GRM1: variants seen among roughly 807,000 people sequenced by gnomAD.
The protein encoded by GRM1 is metabotropic glutamate receptor 1.
GRM1 carries 33 observed loss-of-function variants against 90.9 expected under a neutral mutation model. The ratio of observed to expected loss-of-function variants is 0.36; its 90% CI spans 0.28 to 0.49. The LOEUF is 0.49. Among genes scored for constraint, GRM1 ranks in the 20% least tolerant of loss-of-function variants. The pLI is 0.99. For missense variants in GRM1, 1,190 were observed against 1,534.3 expected (o/e 0.78, Z 3.75); for synonymous variants, 700 against 613.2 (o/e 1.14, Z -2.09).
At chr6:146,355,972 A>G (rs936336200) in intron 4 of GRM1, among the ~76,000 whole-genome samples, 1 of 152,230 alleles carries the variant, frequency 6.6e-6, no homozygotes, top group Admixed American at 6.5e-5. Context: ...GGTACTGCAG[A>G]ATAGAATCCC....
At chr6:146,180,780 C>T (rs1778522744) in intron 2 of GRM1, among the ~76,000 whole-genome samples, 1 of 152,136 alleles carries the variant, frequency 6.6e-6, no homozygotes, top group Admixed American at 6.5e-5. Flanking sequence ...CCTGGTTTTA[C>T]TTTTAACACA....
chr6:146,315,410 A>G (rs992237699), intron 3 of GRM1, among the ~76,000 whole-genome samples: 2 of 152,130 alleles, frequency 1.3e-5, no homozygotes, highest in African/African-American at 4.8e-5. Flanking sequence ...TAAAAAAGAA[A>G]TGCCAGTGAA....
chr6:146,419,438 G>A (rs549011342), intron 7 of GRM1, among the ~76,000 whole-genome samples: 6 of 152,290 alleles, frequency 3.9e-5, no homozygotes, highest in Admixed American at 3.9e-4. Flanking sequence ...GAAGAGAAAT[G>A]AAAACTGAGA....
At chr6:146,295,898 C>A (rs1783160362) in intron 2 of GRM1, among the ~76,000 whole-genome samples, 1 of 152,122 alleles carries the variant, frequency 6.6e-6, no homozygotes, top group Non-Finnish European at 1.5e-5. Context: ...CTCAAGGGGG[C>A]CCCAGAGTCT....
chr6:146,066,107 T>A (rs1277383445), intron 1 of GRM1, among the ~76,000 whole-genome samples: 2 of 152,204 alleles, frequency 1.3e-5, no homozygotes, highest in African/African-American at 2.4e-5. Context: ...ATGTGCAGAT[T>A]TCTTACAAAG....
chr6:146,270,999 T>C (rs150198560), intron 2 of GRM1, among the ~76,000 whole-genome samples: 2 of 100,712 alleles, frequency 2.0e-5, no homozygotes, highest in Admixed American at 8.9e-5. Flanking sequence ...TCTTTCCTTC[T>C]TTCTTTCTTT....
intron 2 of GRM1, among the ~76,000 whole-genome samples, chr6:146,222,963 C>T (rs550220951): frequency 6.6e-6 from 1 of 151,734 alleles, no homozygotes; most frequent in African/African-American, 2.4e-5. Flanking sequence ...ATCTTTGAAT[C>T]TAGTACAATA....
intron 2 of GRM1, among the ~76,000 whole-genome samples, chr6:146,251,285 A>G (rs1194744002): frequency 6.6e-6 from 1 of 152,090 alleles, no homozygotes; most frequent in African/African-American, 2.4e-5. Context: ...CTCCCACTCT[A>G]ATTTAATTGG....
chr6:146,399,379 C>G lies in GRM1; in HGVS notation c.2340C>G (p.Asn780Lys). Residue 780 changes from asparagine (N) to lysine (K), a missense_variant, in exon 7 of 8, where the codon AAC becomes AAG. Transcript: ENST00000282753. This position sits in a 1 kb window ranked among gnomAD's most constrained non-coding sequence, Gnocchi z 5.4. The part of the protein sequence containing the change: ...YAFKTRNVPA[N>K]FNEAKYIAFT... The stretch of plus-strand genomic sequence containing the variant: ...TCAAGACCCGCAACGTGCCCGCCAA[C>G]TTCAACGAGGCCAAATATATCGCGT... 6.2e-7 allele frequency: 1 copy of G among 1,614,214 alleles called. No homozygotes were observed.
intron 1 of GRM1, among the ~76,000 whole-genome samples, chr6:146,062,080 G>A (rs910051623): frequency 1.3e-5 from 2 of 151,930 alleles, no homozygotes; most frequent in African/African-American, 4.8e-5. Flanking sequence ...CAAGAGCAGA[G>A]TTGGAACCAA....
At chr6:146,314,049 T>C (rs538463729) in intron 3 of GRM1, among the ~76,000 whole-genome samples, 209 of 130,980 alleles carry the variant, frequency 1.6e-3, no homozygotes, top group African/African-American at 5.4e-3. Flanking sequence ...AATAGTTAAT[T>C]CCTTTTTTTT....
intron 1 of GRM1, among the ~76,000 whole-genome samples, chr6:146,040,288 A>T (rs1385222706): frequency 6.6e-6 from 1 of 152,008 alleles, no homozygotes; most frequent in Non-Finnish European, 1.5e-5. Context: ...GTAGCGATAC[A>T]TGAGACTGTG....
intron 1 of GRM1, among the ~76,000 whole-genome samples, chr6:146,042,539 C>G (rs942723965): frequency 6.6e-6 from 1 of 151,826 alleles, no homozygotes; most frequent in East Asian, 1.9e-4. Flanking sequence ...CTTTTCTCTG[C>G]GTGGTGATGT....
intron 2 of GRM1, among the ~76,000 whole-genome samples, chr6:146,221,642 G>A (rs146835553): frequency 2.1e-3 from 314 of 152,216 alleles, no homozygotes; most frequent in African/African-American, 7.1e-3. Flanking sequence ...TGTGAGTAGC[G>A]CTGCAATAAA....
chr6:146,385,709 T>G (rs1314141543), intron 5 of GRM1, among the ~76,000 whole-genome samples: 3 of 152,034 alleles, frequency 2.0e-5, no homozygotes, highest in Non-Finnish European at 4.4e-5. Context: ...GATAATTGAC[T>G]GTTTAAAGCA....
rs1217113028 is a variant in GRM1, at chr6:146,029,985, T to G, written c.468T>G (p.Ile156Met). 1 of 1,614,162 alleles carries G rather than the reference T, an allele frequency of 6.2e-7. No individual in the cohort carries two copies. ...CCCCAGGCAGGACTAAGAAGCCCAT[T>G]GCGGGAGTGATCGGTCCCGGCTCCA... Reference protein sequence around the residue: ...SLPPGRTKKPIAGVIGPGSSS... With the variant: ...SLPPGRTKKPMAGVIGPGSSS... Residue 156 changes from isoleucine to methionine, a missense_variant, in exon 1 of 8, where the codon ATT (isoleucine) becomes ATG (methionine). Physicochemically the swap from Ile to Met is conservative, Grantham distance 10. Transcript: ENST00000282753.
At chr6:146,366,815 G>C (rs1026033484) in intron 5 of GRM1, among the ~76,000 whole-genome samples, 1 of 152,034 alleles carries the variant, frequency 6.6e-6, no homozygotes, top group Non-Finnish European at 1.5e-5. Flanking sequence ...TTGTTGAATG[G>C]ATAGTTTGCA....
chr6:146,347,840 C>T (rs1162968224), intron 3 of GRM1, among the ~76,000 whole-genome samples: 4 of 152,222 alleles, frequency 2.6e-5, no homozygotes, highest in South Asian at 2.1e-4. Context: ...CATACTGGAT[C>T]GGGAACATGG....
At chr6:146,347,394 T>C (rs1423335245) in intron 3 of GRM1, among the ~76,000 whole-genome samples, 1 of 152,174 alleles carries the variant, frequency 6.6e-6, no homozygotes, top group Non-Finnish European at 1.5e-5. Context: ...ATTCTCAAAT[T>C]TAGATCCGAA....
Sources: gnomAD v4.1 joint callset for allele counts (sites outside exome capture counted in the v4.1 genomes callset) on GRCh38, gnomAD v4.1.1 for gene constraint, Gnocchi (gnomAD v3.1) non-coding constraint, MANE v1.5 for transcripts, NCBI Gene and HGNC (gene_info 2026-07-23, HGNC 2026-07-21) for gene names.